The following LRP2BP variants were observed in gnomAD, a reference collection of about 807,000 sequenced individuals.
The protein encoded by LRP2BP is LRP2 binding protein.
Under a neutral mutation model 45.2 loss-of-function variants are expected in LRP2BP, and 38 were observed. That is an observed-to-expected ratio of 0.84 (90% CI 0.65 to 1.10). LRP2BP has a LOEUF of 1.10. LRP2BP is among the 50% of genes least tolerant of loss of function. LRP2BP has a pLI of 0.00. For synonymous variants in LRP2BP, 153 were observed against 153.9 expected, an observed-to-expected ratio of 0.99 and a Z score of 0.04; for missense variants, 385 against 418.9, an observed-to-expected ratio of 0.92 and a Z score of 0.71.
rs201973995 is a variant in LRP2BP, at chr4:185,374,341, G to T, written c.451C>A (p.Arg151=). 2 of 1,613,866 alleles carry T rather than the reference G, an allele frequency of 1.2e-6. No individual in the cohort carries two copies. The highest frequency in any genetic ancestry group is 1.7e-6 in the Non-Finnish European group (2 of 1,179,998). The change falls in exon 5 of 9, where the codon CGA becomes AGA. Residue 151 remains arginine (R), a synonymous_variant. Transcript: ENST00000505916. ...RAYYEGKGVK[R]SNEEAERLWL... ...TACCTTTCAGCTTCCTCATTTGATC[G>T]TTTAACACCTTTTCCTTCATAATAA... is the stretch of plus-strand genomic sequence containing the variant.
intron 1 of LRP2BP, among the ~76,000 whole-genome samples, chr4:185,391,602 T>C (rs2095488601): frequency 6.6e-6 from 1 of 152,220 alleles, no homozygotes; most frequent in African/African-American, 2.4e-5. Context: ...AGTTCCAGTT[T>C]TGGCCATTGG....
chr4:185,395,728 G>GA lies in LRP2BP; in HGVS notation c.-972dup, dbSNP rs2095500373. 1 of 985,342 alleles carries GA rather than the reference G, an allele frequency of 1.0e-6. No individual in the cohort carries two copies. Among genetic ancestry groups the GA allele is most frequent in the African/African-American group, 1.7e-5 (1 of 57,318 alleles). The allele number at this position is 985,342 out of a possible 1,614,324, so 61.0% of individuals were successfully genotyped here. A position where few individuals can be genotyped will look rare whatever the true frequency, so the allele number is the denominator to read the frequency against. On this transcript the variant is annotated 5_prime_UTR_variant, in exon 1 of 9. An upstream open reading frame in the 5' UTR loses its in-frame stop. Coordinates refer to ENST00000505916, the MANE Select transcript of LRP2BP (RefSeq NM_001377440.1). ...GGCTCTTACTACAAAACAAAAAGTA[G>GA]AATGAAAAGACCACTTATCTTTAGA...
intron 1 of LRP2BP, among the ~76,000 whole-genome samples, chr4:185,390,015 A>C (rs2095483989): frequency 6.6e-6 from 1 of 152,250 alleles, no homozygotes. Flanking sequence ...TAAGAATTCC[A>C]GATTAGGTTT....
chr4:185,380,246 A>T (rs1223055537), intron 1 of LRP2BP, among the ~76,000 whole-genome samples: 1 of 152,146 alleles, frequency 6.6e-6, no homozygotes, highest in Non-Finnish European at 1.5e-5. Context: ...TAGCTCCCAA[A>T]CATTCTCAGG....
At chr4:185,373,240 C>T (rs2095422025) in intron 6 of LRP2BP, among the ~76,000 whole-genome samples, 161 bp from the exon 7 acceptor site, 1 of 152,202 alleles carries the variant, frequency 6.6e-6, no homozygotes, top group African/African-American at 2.4e-5. Flanking sequence ...AGCACACATG[C>T]CTAACACAGT....
chr4:185,371,560 AAAAG>A (rs1349073685), intron 7 of LRP2BP, among the ~76,000 whole-genome samples: 2 of 151,630 alleles, frequency 1.3e-5, no homozygotes, highest in East Asian at 1.9e-4. Flanking sequence ...AAAAAAAAAA[AAAAG>A]GATAATGGAA....
At chr4:185,367,797 A>G (rs1272914503) in intron 8 of LRP2BP, among the ~76,000 whole-genome samples, 1 of 152,184 alleles carries the variant, frequency 6.6e-6, no homozygotes, top group Non-Finnish European at 1.5e-5. Flanking sequence ...TTCCAGTAGC[A>G]GGAAGTTACA....
Position 185,366,045 on chromosome 4 carries a change from T to C in LRP2BP, c.*1135A>G, listed in dbSNP as rs2095387044. On this transcript the variant is annotated 3_prime_UTR_variant, in exon 9 of 9. Coordinates refer to ENST00000505916, the MANE Select transcript of LRP2BP (RefSeq NM_001377440.1). Reference sequence around the variant, plus strand: ...TTGTTTAAATCCACTGTTGGGATGGTTGTGATTTATAAAATAAAGCCACAT... The same window carrying C: ...TTGTTTAAATCCACTGTTGGGATGGCTGTGATTTATAAAATAAAGCCACAT... The C allele has an allele frequency of 6.6e-6, 1 of 152,236 alleles. No individual in the cohort carries two copies. The allele number at this position is 152,236 out of a possible 1,614,324, so 9.4% of individuals were successfully genotyped here.
At chr4:185,392,188 CAGG>C (rs1232097682) in intron 1 of LRP2BP, among the ~76,000 whole-genome samples, 1 of 152,046 alleles carries the variant, frequency 6.6e-6, no homozygotes, top group Non-Finnish European at 1.5e-5. Flanking sequence ...AATATATAAC[CAGG>C]AGGAGAAATA....
At chr4:185,370,564 G>A (rs750425582) in intron 8 of LRP2BP, 76 bp downstream of exon 8, 467 of 1,471,470 alleles carry the variant, frequency 3.2e-4, no homozygotes, top group Non-Finnish European at 4.0e-4. Context: ...ACACTAATCC[G>A]TAAAACTATT....
At position 185,370,705 on chromosome 4, in the gene LRP2BP, T is replaced by G; in HGVS notation, c.913A>C (p.Arg305=). 2 of 1,614,062 alleles carry G rather than the reference T, an allele frequency of 1.2e-6. No individual in the cohort carries two copies. The highest frequency in any genetic ancestry group is 1.7e-6 in the Non-Finnish European group (2 of 1,180,016). Reference sequence around the variant, plus strand: ...ATGCCCAAGCCAAGCTGAAGACACCTTGCGTGGTAGAAGGATGCCATTGCC... The same window carrying G: ...ATGCCCAAGCCAAGCTGAAGACACCGTGCGTGGTAGAAGGATGCCATTGCC... ...GMAMASFYHA[R]CLQLGLGITR... Residue 305 remains arginine (R), a synonymous_variant, in exon 8 of 9, where the codon AGG becomes CGG. Coordinates refer to ENST00000505916, the MANE Select transcript of LRP2BP (RefSeq NM_001377440.1).
At chr4:185,397,222 C>G (rs769368881), upstream of LRP2BP, 10 of 1,614,150 alleles carry the variant, frequency 6.2e-6, no homozygotes, top group Non-Finnish European at 8.5e-6. Flanking sequence ...CAAGCAGTCG[C>G]CTGTCCACTT....
At chr4:185,386,150 TAAAACAC>T (rs2095471278) in intron 1 of LRP2BP, among the ~76,000 whole-genome samples, 1 of 152,100 alleles carries the variant, frequency 6.6e-6, no homozygotes, top group South Asian at 2.1e-4. Flanking sequence ...GGACAAAAAA[TAAAACAC>T]AAAACAAGCA....
intron 8 of LRP2BP, chr4:185,369,779 T>C (rs2095408730): frequency 2.2e-6 from 1 of 445,976 alleles, no homozygotes; most frequent in East Asian, 7.2e-5. Context: ...TTCTGTCTCC[T>C]AGAGACCATG....
intron 7 of LRP2BP, among the ~76,000 whole-genome samples, chr4:185,371,403 A>T (rs144239921): frequency 2.4e-4 from 37 of 152,120 alleles, no homozygotes; most frequent in African/African-American, 8.4e-4. Context: ...TTAGCTGGGC[A>T]TGGTAGCGGG....
chr4:185,388,938 C>T (rs891765231), intron 1 of LRP2BP, among the ~76,000 whole-genome samples: 7 of 151,900 alleles, frequency 4.6e-5, no homozygotes, highest in African/African-American at 7.3e-5. Context: ...TACAGTGGTG[C>T]GATCTCGGCT....
chr4:185,380,529 C>T (rs1422807468), intron 1 of LRP2BP, among the ~76,000 whole-genome samples: 1 of 152,196 alleles, frequency 6.6e-6, no homozygotes, highest in Non-Finnish European at 1.5e-5. Flanking sequence ...ATGGCCTTCC[C>T]TTCATGTCTC....
At chr4:185,371,296 T>C (rs111859021) in intron 7 of LRP2BP, among the ~76,000 whole-genome samples, 6 of 152,134 alleles carry the variant, frequency 3.9e-5, no homozygotes, top group South Asian at 2.1e-4. Context: ...TCCCAGCACT[T>C]TGGGAGGCCA....
chr4:185,389,017 T>C (rs945113995), intron 1 of LRP2BP, among the ~76,000 whole-genome samples: 3 of 151,648 alleles, frequency 2.0e-5, no homozygotes, highest in Non-Finnish European at 4.4e-5. Flanking sequence ...GTAGCTGGGA[T>C]TACAAGTGCC....
Sources: allele counts gnomAD v4.1 joint callset (sites outside exome capture counted in the v4.1 genomes callset), GRCh38; gene constraint gnomAD v4.1.1; transcripts MANE v1.5; gene names NCBI Gene and HGNC (gene_info 2026-07-23, HGNC 2026-07-21).